Variants in ALCAM observed in about 807,000 individuals in gnomAD.
ALCAM encodes the protein activated leukocyte cell adhesion molecule.
A neutral mutation model predicts 70.9 loss-of-function variants in ALCAM; 30 were observed. The observed-to-expected ratio is 0.42, with a 90% confidence interval of 0.32 to 0.57. The LOEUF (loss-of-function observed/expected upper bound fraction) is 0.57, where lower values mean the gene tolerates loss of function less well. Ranked by LOEUF, ALCAM falls within the 20% of genes least tolerant of loss-of-function variation. The probability of loss-of-function intolerance (pLI) is 0.11; values close to 1 mark genes in which losing one functional copy is unlikely to be tolerated. For missense variants in ALCAM, 591 were observed against 695.1 expected, an observed-to-expected ratio of 0.85 and a Z score of 1.68; for synonymous variants, 249 against 242.5, an observed-to-expected ratio of 1.03 and a Z score of -0.25.
Position 105,534,845 on chromosome 3 carries a change from TG to T in ALCAM, c.730+1del. On this transcript the variant is annotated splice_donor_variant, in intron 6 of 15. Coordinates refer to ENST00000306107, the MANE Select transcript of ALCAM (RefSeq NM_001627.4). LOFTEE classifies it high-confidence loss of function. Reference sequence around the variant, plus strand: ...TGAACAGGCAGTATTTGATATTTACTGTAAGTAATTCAATATATAATTATGC... The same window carrying T: ...TGAACAGGCAGTATTTGATATTTACTTAAGTAATTCAATATATAATTATGC... 6.2e-7 allele frequency: 1 copy of T among 1,605,878 alleles called. No homozygotes were observed. The highest frequency in any genetic ancestry group is 8.5e-7 in the Non-Finnish European group (1 of 1,175,210).
chr3:105,373,665 A>T (rs1015374715), intron 1 of ALCAM, among the ~76,000 whole-genome samples: 1 of 152,174 alleles, frequency 6.6e-6, no homozygotes. Context: ...ACCACATTGT[A>T]TTATGATATT....
At chr3:105,394,113 T>C (rs1935890045) in intron 1 of ALCAM, among the ~76,000 whole-genome samples, 1 of 151,940 alleles carries the variant, frequency 6.6e-6, no homozygotes, top group African/African-American at 2.4e-5. Context: ...TATAGTACTT[T>C]GACTAAGTAT....
chr3:105,474,263 A>C (rs778860631), intron 1 of ALCAM, among the ~76,000 whole-genome samples: 3 of 151,752 alleles, frequency 2.0e-5, no homozygotes, highest in Admixed American at 6.6e-5. Flanking sequence ...GTAATCAGGC[A>C]CTGAATAGAA....
intron 1 of ALCAM, among the ~76,000 whole-genome samples, chr3:105,427,985 G>T (rs913732602): frequency 2.6e-5 from 4 of 151,476 alleles, no homozygotes; most frequent in Admixed American, 6.6e-5. Flanking sequence ...TATATATTTG[G>T]CTCCTACTCA....
At chr3:105,501,301 G>C (rs891005376) in intron 1 of ALCAM, among the ~76,000 whole-genome samples, 1 of 152,174 alleles carries the variant, frequency 6.6e-6, no homozygotes, top group African/African-American at 2.4e-5. Context: ...CAAGTCGGTT[G>C]AAACAGTTCA....
chr3:105,524,406 T>G lies in ALCAM; in HGVS notation c.292T>G (p.Leu98Val), dbSNP rs1456006558. ...DRLNLSENYTLSISNARISDE... is the reference protein window; with the variant it reads ...DRLNLSENYTVSISNARISDE... ...ATTGAACCTCTCAGAAAACTACACT[T>G]TGTCTATCAGTAATGCAAGGATCAG... Residue 98 changes from leucine to valine, a missense_variant, in exon 3 of 16, where the codon TTG (leucine) becomes GTG (valine). Transcript: ENST00000306107. The G allele has an allele frequency of 4.3e-6, 7 of 1,614,174 alleles. No homozygotes were observed. Among genetic ancestry groups the G allele is most frequent in the Non-Finnish European group, 5.9e-6 (7 of 1,180,020 alleles).
chr3:105,378,963 G>T (rs1023578830), intron 1 of ALCAM, among the ~76,000 whole-genome samples: 5 of 151,904 alleles, frequency 3.3e-5, no homozygotes, highest in African/African-American at 1.2e-4. Flanking sequence ...CTCCAGGCTT[G>T]ATCTTCATGA....
Position 105,532,084 on chromosome 3 carries a change from T to G in ALCAM, c.459+18T>G, listed in dbSNP as rs548773073. The G allele has an allele frequency of 1.9e-6, 3 of 1,603,150 alleles. No homozygotes were observed. The South Asian group carries it at 3.3e-5, about 18-fold the overall frequency. ...TAAAAAAGGTAAGAATTGTTTTTGA[T>G]TAATACCTTTATTTAGCCAGTGTTG... is the stretch of plus-strand genomic sequence containing the variant. On this transcript the variant is annotated intron_variant, in intron 4 of 15. Coordinates refer to ENST00000306107, the MANE Select transcript of ALCAM (RefSeq NM_001627.4).
At chr3:105,439,299 A>G (rs1937119737) in intron 1 of ALCAM, 1 of 152,198 alleles carries the variant, frequency 6.6e-6, no homozygotes, top group Admixed American at 6.5e-5. Flanking sequence ...GCAAAGTTCC[A>G]TAGTGGTGAT....
At chr3:105,421,161 A>AT (rs996460334) in intron 1 of ALCAM, among the ~76,000 whole-genome samples, 2 of 151,436 alleles carry the variant, frequency 1.3e-5, no homozygotes, top group African/African-American at 4.8e-5. Context: ...AGAGTTGTTA[A>AT]TTTTTTTGTA....
At chr3:105,484,949 T>C (rs1418378148) in intron 1 of ALCAM, among the ~76,000 whole-genome samples, 1 of 152,076 alleles carries the variant, frequency 6.6e-6, no homozygotes, top group Non-Finnish European at 1.5e-5. Flanking sequence ...TTCTTTTTTT[T>C]TGGTGGGGGA....
At chr3:105,397,429 T>C (rs1935983350) in intron 1 of ALCAM, among the ~76,000 whole-genome samples, 1 of 152,018 alleles carries the variant, frequency 6.6e-6, no homozygotes, top group Non-Finnish European at 1.5e-5. Context: ...AAGTGATAAC[T>C]CTAAGTTTAA....
intron 1 of ALCAM, among the ~76,000 whole-genome samples, chr3:105,498,893 T>G (rs915591158): frequency 6.6e-6 from 1 of 152,214 alleles, no homozygotes; most frequent in African/African-American, 2.4e-5. Context: ...TTCTAATAGA[T>G]TTAGTTCCAT....
chr3:105,558,003 C>T (rs550131579), intron 14 of ALCAM, among the ~76,000 whole-genome samples: 10 of 152,180 alleles, frequency 6.6e-5, no homozygotes, highest in Admixed American at 1.3e-4. Context: ...TAGTGTCCTG[C>T]TGTCCTCCTC....
chr3:105,375,725 G>A (rs535914414), intron 1 of ALCAM, among the ~76,000 whole-genome samples: 1 of 152,244 alleles, frequency 6.6e-6, no homozygotes, highest in African/African-American at 2.4e-5. Flanking sequence ...TCTTCTATGA[G>A]ATTTCTCAGT....
intron 12 of ALCAM, 103 bp from the exon 13 acceptor site, chr3:105,552,041 A>C: frequency 1.3e-6 from 1 of 755,072 alleles, no homozygotes; most frequent in Non-Finnish European, 2.0e-6. Flanking sequence ...TAGAATAGAC[A>C]TTTTATCTTT....
At chr3:105,399,863 A>G (rs1403994823) in intron 1 of ALCAM, among the ~76,000 whole-genome samples, 1 of 152,182 alleles carries the variant, frequency 6.6e-6, no homozygotes, top group Non-Finnish European at 1.5e-5. Context: ...AATACAGAGC[A>G]TTCTTACCCA....
chr3:105,428,649 G>C (rs1936854020), intron 1 of ALCAM, among the ~76,000 whole-genome samples: 1 of 151,858 alleles, frequency 6.6e-6, no homozygotes, highest in South Asian at 2.1e-4. Context: ...CAAGAACACT[G>C]TATTTATGTA....
Position 105,520,131 on chromosome 3 carries a change from C to T in ALCAM, c.138C>T (p.Asp46=), listed in dbSNP as rs757269802. The T allele has an allele frequency of 1.2e-6, 2 of 1,612,814 alleles. No individual in the cohort carries two copies. Among genetic ancestry groups the T allele is most frequent in the Admixed American group, 1.7e-5 (1 of 59,990 alleles). Residue 46 remains aspartate, a synonymous_variant, in exon 2 of 16, where the codon GAC becomes GAT. Transcript: ENST00000306107. The stretch of plus-strand genomic sequence containing the variant: ...CCATTATCATACCTTGCCGACTTGA[C>T]GTACCTCAGAATCTCATGTTTGGCA... The part of the protein sequence containing the change: ...GDTIIIPCRL[D]VPQNLMFGKW...
Sources: allele counts gnomAD v4.1 joint callset (sites outside exome capture counted in the v4.1 genomes callset), GRCh38; gene constraint gnomAD v4.1.1; transcripts MANE v1.5; gene names NCBI Gene and HGNC (gene_info 2026-07-23, HGNC 2026-07-21).